Variants in PCGF5 observed in about 807,000 individuals in gnomAD.
PCGF5 encodes the protein polycomb group RING finger protein 5.
PCGF5 carries 9 observed loss-of-function variants against 44.3 expected under a neutral mutation model. That is an observed-to-expected ratio of 0.20 (90% CI 0.12 to 0.35). PCGF5 has a LOEUF of 0.35. Among genes scored for constraint, PCGF5 ranks in the 10% least tolerant of loss-of-function variants. PCGF5 has a pLI of 1.00. For synonymous variants in PCGF5, 95 were observed against 102.5 expected (o/e 0.93, Z 0.44); for missense variants, 146 against 305.3 (o/e 0.48, Z 3.89).
At chr10:91,217,998 GCTGGT>G (rs1457620702), upstream of PCGF5, among the ~76,000 whole-genome samples, 1 of 152,154 alleles carries the variant, frequency 6.6e-6, no homozygotes, top group East Asian at 1.9e-4. Context: ...TGTTGGCCAG[GCTGGT>G]CTTGAACTCC....
intron 1 of PCGF5, among the ~76,000 whole-genome samples, chr10:91,177,345 C>G (rs879581377): frequency 6.6e-6 from 1 of 152,214 alleles, no homozygotes; most frequent in Non-Finnish European, 1.5e-5. Flanking sequence ...TTAGGCTACT[C>G]GGGGGTCAGG....
upstream of PCGF5, among the ~76,000 whole-genome samples, chr10:91,158,642 G>T (rs1267168193): frequency 6.6e-6 from 1 of 152,104 alleles, no homozygotes; most frequent in Non-Finnish European, 1.5e-5. Flanking sequence ...TGAAAAGTGG[G>T]ACCAGCGACT....
chr10:91,219,431 A>C (rs898514661), upstream of PCGF5, among the ~76,000 whole-genome samples: 1 of 152,206 alleles, frequency 6.6e-6, no homozygotes, highest in Non-Finnish European at 1.5e-5. Flanking sequence ...AATATCCTCC[A>C]ATGCATATTT....
rs547156158 is a variant in PCGF5, at chr10:91,213,737, G to A, written c.-183-8952G>A. On this transcript the variant is annotated intron_variant, in intron 1 of 9. Coordinates refer to the PCGF5 transcript ENST00000614189. ...CCGACCTCAGAGAGGTCCCCACCTC[G>A]GCCTCCCAAAGTACTGGGATTACAG... Among the ~76,000 whole-genome samples, 7 of 151,464 alleles carry A rather than the reference G, an allele frequency of 4.6e-5. No homozygotes were observed. The East Asian group carries it at 5.8e-4, about 13-fold the overall frequency.
At chr10:91,215,808 A>G (rs1486552968), upstream of PCGF5, among the ~76,000 whole-genome samples, 2 of 152,234 alleles carry the variant, frequency 1.3e-5, no homozygotes, top group African/African-American at 4.8e-5. Context: ...TTGTCACTTG[A>G]TCATGTTCCA....
chr10:91,267,724 CT>C (rs1846080879), intron 8 of PCGF5, among the ~76,000 whole-genome samples: 1 of 152,114 alleles, frequency 6.6e-6, no homozygotes, highest in Non-Finnish European at 1.5e-5. Flanking sequence ...ACAATCATTT[CT>C]TGATTGAGCT....
chr10:91,163,444 A>G (rs1272967273), intron 1 of PCGF5, among the ~76,000 whole-genome samples: 1 of 152,018 alleles, frequency 6.6e-6, no homozygotes, highest in East Asian at 2.0e-4. Context: ...GAGGGAGACC[A>G]TGAAATGTGT....
chr10:91,200,586 GTTTGT>G (rs1343966368), intron 1 of PCGF5, among the ~76,000 whole-genome samples: 1 of 152,172 alleles, frequency 6.6e-6, no homozygotes, highest in Non-Finnish European at 1.5e-5. Flanking sequence ...GGAAGGTGCT[GTTTGT>G]TTTGTTTTGT....
At chr10:91,172,432 A>G (rs1843625975) in intron 1 of PCGF5, among the ~76,000 whole-genome samples, 1 of 151,712 alleles carries the variant, frequency 6.6e-6, no homozygotes, top group South Asian at 2.1e-4. Context: ...GAAAAAAAAA[A>G]TGCCCTCTAG....
At chr10:91,179,941 G>A (rs889258294) in intron 1 of PCGF5, among the ~76,000 whole-genome samples, 63 of 152,230 alleles carry the variant, frequency 4.1e-4, no homozygotes, top group African/African-American at 1.2e-3. Flanking sequence ...TTCCATGGTG[G>A]CTGAACTAAT....
At chr10:91,243,476 A>C (rs1314901888) in intron 3 of PCGF5, among the ~76,000 whole-genome samples, 1 of 152,180 alleles carries the variant, frequency 6.6e-6, no homozygotes, top group Non-Finnish European at 1.5e-5. Flanking sequence ...TTTTCTCAGT[A>C]AGCTATTGGG....
chr10:91,177,770 G>C (rs1182204927), intron 1 of PCGF5, among the ~76,000 whole-genome samples: 2 of 152,210 alleles, frequency 1.3e-5, no homozygotes, highest in African/African-American at 4.8e-5. Context: ...CAGTATTAGG[G>C]TGGGAGTGAC....
At chr10:91,271,064 A>G (rs958636606) in intron 8 of PCGF5, among the ~76,000 whole-genome samples, 4 of 151,602 alleles carry the variant, frequency 2.6e-5, no homozygotes, top group Non-Finnish European at 4.4e-5. Context: ...GGCCTTAGCT[A>G]TTAAGACCAC....
At chr10:91,195,650 TA>T (rs1844121422) in intron 1 of PCGF5, among the ~76,000 whole-genome samples, 1 of 151,948 alleles carries the variant, frequency 6.6e-6, no homozygotes, top group Non-Finnish European at 1.5e-5. Context: ...TTACCCAGGC[TA>T]GTCTCGAACT....
At chr10:91,237,478 C>T (rs1845195383) in intron 2 of PCGF5, among the ~76,000 whole-genome samples, 1 of 152,190 alleles carries the variant, frequency 6.6e-6, no homozygotes, top group South Asian at 2.1e-4. Context: ...CGCAGTGGCT[C>T]ACGCCTGTAA....
intron 2 of PCGF5, among the ~76,000 whole-genome samples, chr10:91,236,532 C>CT (rs1157235699): frequency 5.9e-5 from 9 of 152,278 alleles, no homozygotes; most frequent in Admixed American, 5.2e-4. Flanking sequence ...TAGTCTTAAC[C>CT]TTAGACTAGG....
chr10:91,205,867 G>A (rs1300536178), intron 1 of PCGF5, among the ~76,000 whole-genome samples: 1 of 152,052 alleles, frequency 6.6e-6, no homozygotes, highest in African/African-American at 2.4e-5. Flanking sequence ...GTGGATGCTT[G>A]TAATCCCAGC....
chr10:91,212,406 A>G (rs1844468430), intron 1 of PCGF5, among the ~76,000 whole-genome samples: 1 of 152,232 alleles, frequency 6.6e-6, no homozygotes, highest in Non-Finnish European at 1.5e-5. Flanking sequence ...CCATTGAGAA[A>G]TAATTAGATC....
intron 1 of PCGF5, among the ~76,000 whole-genome samples, chr10:91,169,580 T>C (rs1244899472): frequency 3.3e-5 from 5 of 152,172 alleles, no homozygotes; most frequent in Admixed American, 6.5e-5. Context: ...TAACAAAATA[T>C]GTATAAAATC....
Sources: gnomAD v4.1 joint callset for allele counts (sites outside exome capture counted in the v4.1 genomes callset) on GRCh38, gnomAD v4.1.1 for gene constraint, MANE v1.5 for transcripts, NCBI Gene and HGNC (gene_info 2026-07-23, HGNC 2026-07-21) for gene names.